The following DNM3 variants were observed in gnomAD, a reference collection of about 807,000 sequenced individuals.
DNM3 encodes dynamin-3.
Under a neutral mutation model 101.6 loss-of-function variants are expected in DNM3, and 47 were observed. The ratio of observed to expected loss-of-function variants is 0.46; its 90% CI spans 0.37 to 0.59. The LOEUF (loss-of-function observed/expected upper bound fraction) is 0.59. Ranked by LOEUF, DNM3 falls within the 20% of genes least tolerant of loss-of-function variation. The pLI, the probability that DNM3 is intolerant of heterozygous loss-of-function variation, is 0.00. For missense variants in DNM3, 849 were observed against 1,085.7 expected (o/e 0.78, Z 3.06); for synonymous variants, 385 against 387.9 (o/e 0.99, Z 0.09).
chr1:172,209,710 A>G (rs1289741741), intron 14 of DNM3, among the ~76,000 whole-genome samples: 1 of 151,996 alleles, frequency 6.6e-6, no homozygotes, highest in African/African-American at 2.4e-5. Flanking sequence ...AGCACATATA[A>G]CCAGTGAGCC....
At chr1:172,211,455 T>C (rs985772228) in intron 14 of DNM3, among the ~76,000 whole-genome samples, 68 of 152,126 alleles carry the variant, frequency 4.5e-4, no homozygotes, top group African/African-American at 1.5e-3. Flanking sequence ...GCAGTGACCA[T>C]TGCCACAGGC....
chr1:172,131,293 G>C lies in DNM3; in HGVS notation c.1659+5G>C, dbSNP rs751444198. ...TCCTGGTATAAAGATGATGAGGTAA[G>C]TCACAGAGAGTGATAAAGTTTTCTT... On this transcript the variant is annotated splice_donor_5th_base_variant and intron_variant, in intron 14 of 20. Transcript: ENST00000627582. 6.2e-7 allele frequency: 1 copy of C among 1,609,536 alleles called. No homozygotes were observed. The highest frequency in any genetic ancestry group is 1.7e-5 in the Admixed American group (1 of 59,880).
At chr1:171,868,789 C>CT (rs900113368) in intron 1 of DNM3, among the ~76,000 whole-genome samples, 273 of 146,158 alleles carry the variant, frequency 1.9e-3, no homozygotes, top group African/African-American at 3.5e-3. Flanking sequence ...TGTACAATTT[C>CT]TTTTTTTTTT....
chr1:171,871,557 C>G (rs2035285588), intron 1 of DNM3, among the ~76,000 whole-genome samples: 1 of 152,188 alleles, frequency 6.6e-6, no homozygotes, highest in African/African-American at 2.4e-5. Context: ...TTTAACATTG[C>G]TGGTCCTATG....
At chr1:172,395,822 G>A (rs906991016) in intron 20 of DNM3, among the ~76,000 whole-genome samples, 9 of 152,196 alleles carry the variant, frequency 5.9e-5, no homozygotes, top group African/African-American at 1.9e-4. Flanking sequence ...ACCAAATGCT[G>A]TCGCCAAAAG....
At chr1:172,088,062 C>T (rs1048169525) in intron 12 of DNM3, among the ~76,000 whole-genome samples, 1 of 152,174 alleles carries the variant, frequency 6.6e-6, no homozygotes, top group African/African-American at 2.4e-5. Context: ...ATAACCCTGG[C>T]ATCAAAACAG....
intron 2 of DNM3, among the ~76,000 whole-genome samples, chr1:171,960,007 G>A (rs2043113771): frequency 6.6e-6 from 1 of 152,060 alleles, no homozygotes; most frequent in South Asian, 2.1e-4. Flanking sequence ...TCTTTCTCCT[G>A]GAACCTCAGT....
In DNM3 at chr1:172,039,402, T is replaced by G. The variant is rs2819526; in HGVS notation, c.992+941T>G. Among the ~76,000 whole-genome samples the G allele has an allele frequency of 2.2e-3, 334 of 151,994 alleles. 1 individual carries two copies. Among genetic ancestry groups the G allele is most frequent in the Admixed American group, 3.6e-3 (55 of 15,268 alleles). Reference sequence around the variant, plus strand: ...TCCCAAATGCTCAAATATTTAAATATAATATTAATTGCTTCATCCTATATT... The same window carrying G: ...TCCCAAATGCTCAAATATTTAAATAGAATATTAATTGCTTCATCCTATATT... On this transcript the variant is annotated intron_variant, in intron 7 of 20. Coordinates refer to ENST00000627582, the MANE Select transcript of DNM3 (RefSeq NM_015569.5).
At chr1:172,315,876 A>G (rs1468299072) in intron 16 of DNM3, among the ~76,000 whole-genome samples, 1 of 152,154 alleles carries the variant, frequency 6.6e-6, no homozygotes, top group South Asian at 2.1e-4. Flanking sequence ...CAGATTCAGG[A>G]AATACAGAGA....
intron 11 of DNM3, among the ~76,000 whole-genome samples, chr1:172,080,759 G>A (rs1453992414): frequency 1.3e-5 from 2 of 152,110 alleles, no homozygotes; most frequent in Non-Finnish European, 2.9e-5. Context: ...TGTGGTGTAG[G>A]CACCCAAGGG....
At chr1:172,133,386 A>G (rs1208543834) in intron 14 of DNM3, 5 of 988,400 alleles carry the variant, frequency 5.1e-6, no homozygotes, top group Admixed American at 6.1e-5. Flanking sequence ...CACAGTTATA[A>G]TATTAACCAA....
chr1:172,118,231 T>C (rs1422388819), intron 13 of DNM3, among the ~76,000 whole-genome samples: 4 of 152,212 alleles, frequency 2.6e-5, no homozygotes, highest in Non-Finnish European at 1.5e-5. Context: ...GTGGGTTCTC[T>C]ATGAAGGATT....
intron 11 of DNM3, among the ~76,000 whole-genome samples, chr1:172,075,791 A>G (rs1280860420): frequency 6.6e-6 from 1 of 152,322 alleles, no homozygotes; most frequent in East Asian, 1.9e-4. Context: ...TGTCTTGGCT[A>G]TATGGGCTCT....
chr1:171,844,960 C>G (rs1316899282), intron 1 of DNM3, among the ~76,000 whole-genome samples: 1 of 152,158 alleles, frequency 6.6e-6, no homozygotes, highest in African/African-American at 2.4e-5. Context: ...ATTCTGGGTG[C>G]TTTTATATGA....
intron 12 of DNM3, among the ~76,000 whole-genome samples, chr1:172,091,413 A>T (rs577925302): frequency 6.6e-6 from 1 of 152,294 alleles, no homozygotes; most frequent in Non-Finnish European, 1.5e-5. Flanking sequence ...GAAGGGAGGG[A>T]TGCGGTTATA....
chr1:171,995,980 G>A (rs1174205890), intron 4 of DNM3, among the ~76,000 whole-genome samples: 1 of 152,096 alleles, frequency 6.6e-6, no homozygotes, highest in African/African-American at 2.4e-5. Flanking sequence ...TGGAATATAT[G>A]CTTGGGAAGA....
intron 4 of DNM3, among the ~76,000 whole-genome samples, chr1:172,027,544 G>C (rs952687783): frequency 1.3e-5 from 2 of 151,686 alleles, no homozygotes; most frequent in Non-Finnish European, 1.5e-5. Flanking sequence ...TTGTGCCACT[G>C]CACTACAGCC....
intron 4 of DNM3, among the ~76,000 whole-genome samples, chr1:172,003,430 G>T (rs1340965279): frequency 1.3e-5 from 2 of 151,768 alleles, no homozygotes; most frequent in Non-Finnish European, 2.9e-5. Flanking sequence ...CAGTTATTTT[G>T]TTGGCAGTGT....
chr1:171,865,358 A>G (rs2034616717), intron 1 of DNM3, among the ~76,000 whole-genome samples: 1 of 152,108 alleles, frequency 6.6e-6, no homozygotes, highest in Non-Finnish European at 1.5e-5. Context: ...TCTACAAAAA[A>G]ATACAAGAAT....
Sources: gnomAD v4.1 joint callset for allele counts (sites outside exome capture counted in the v4.1 genomes callset) on GRCh38, gnomAD v4.1.1 for gene constraint, MANE v1.5 for transcripts, NCBI Gene and HGNC (gene_info 2026-07-23, HGNC 2026-07-21) for gene names.